The following ACOXL variants were observed in gnomAD, a reference collection of about 807,000 sequenced individuals.
ACOXL encodes the protein acyl-CoA oxidase like, also known as acyl-coenzyme A oxidase-like protein.
Under a neutral mutation model 71.9 loss-of-function variants are expected in ACOXL, and 70 were observed. The ratio of observed to expected loss-of-function variants is 0.97; its 90% confidence interval spans 0.80 to 1.19. The LOEUF (loss-of-function observed/expected upper bound fraction) is 1.19. Among genes scored for constraint, ACOXL ranks in the 50% most tolerant of loss-of-function variants. The pLI is 0.00. For missense variants in ACOXL, 703 were observed against 736.3 expected (o/e 0.95, Z 0.52); for synonymous variants, 253 against 281.6 (o/e 0.90, Z 1.02).
intron 10 of ACOXL, among the ~76,000 whole-genome samples, chr2:110,869,333 G>C (rs1475917634): frequency 6.6e-6 from 1 of 152,198 alleles, no homozygotes; most frequent in Non-Finnish European, 1.5e-5. Context: ...GCATGTATCA[G>C]AGCCACACAC....
chr2:110,817,909 A>G (rs138486872), intron 9 of ACOXL, among the ~76,000 whole-genome samples: 1,846 of 126,020 alleles, frequency 0.015, 21 homozygotes, highest in Middle Eastern at 0.02. Flanking sequence ...CCTTTCTTCT[A>G]TTTGCCGTCT....
At chr2:110,915,350 A>ATGTG (rs3059185) in intron 11 of ACOXL, among the ~76,000 whole-genome samples, 230 of 113,610 alleles carry the variant, frequency 2.0e-3, no homozygotes, top group African/African-American at 2.8e-3. Flanking sequence ...ATATATATAT[A>ATGTG]TGTGTGTGTG....
chr2:111,108,873 C>T (rs909263190), intron 17 of ACOXL, among the ~76,000 whole-genome samples: 1 of 152,176 alleles, frequency 6.6e-6, no homozygotes, highest in Non-Finnish European at 1.5e-5. Flanking sequence ...TCCAGAGCTT[C>T]GTAGGAATGG....
intron 7 of ACOXL, among the ~76,000 whole-genome samples, 188 bp from the exon 8 acceptor site, chr2:110,801,464 G>A (rs1685982709): frequency 6.6e-6 from 1 of 152,186 alleles, no homozygotes; most frequent in Admixed American, 6.5e-5. Flanking sequence ...GGCCAGGCTG[G>A]TGGAAGAAAC....
At chr2:110,885,866 C>G (rs1011718378) in intron 10 of ACOXL, among the ~76,000 whole-genome samples, 9 of 152,314 alleles carry the variant, frequency 5.9e-5, no homozygotes, top group African/African-American at 2.2e-4. Context: ...CTGTTACACC[C>G]TTGCAAATGT....
chr2:110,957,232 T>A (rs1000770127), intron 12 of ACOXL, among the ~76,000 whole-genome samples: 1 of 151,916 alleles, frequency 6.6e-6, no homozygotes, highest in East Asian at 1.9e-4. Flanking sequence ...GAGTCCAATG[T>A]AGAAAGGAGA....
chr2:110,802,549 A>C (rs1686130514), intron 8 of ACOXL, among the ~76,000 whole-genome samples: 1 of 152,192 alleles, frequency 6.6e-6, no homozygotes, highest in Admixed American at 6.5e-5. Flanking sequence ...AGTGGATGCC[A>C]AAAGCTTAAG....
intron 12 of ACOXL, among the ~76,000 whole-genome samples, chr2:110,981,706 C>G (rs2062714460): frequency 6.6e-6 from 1 of 152,136 alleles, no homozygotes; most frequent in Non-Finnish European, 1.5e-5. Flanking sequence ...TTCCCCAGTC[C>G]TCATAGTAAA....
intron 3 of ACOXL, among the ~76,000 whole-genome samples, chr2:110,790,292 C>T (rs1287805052): frequency 2.0e-5 from 3 of 152,164 alleles, no homozygotes; most frequent in Non-Finnish European, 4.4e-5. Flanking sequence ...ATTTCCCTTC[C>T]ACTTCAGGAT....
chr2:110,969,259 G>C (rs557984496), intron 12 of ACOXL, among the ~76,000 whole-genome samples: 1 of 152,116 alleles, frequency 6.6e-6, no homozygotes, highest in South Asian at 2.1e-4. Flanking sequence ...CCTACCTCAA[G>C]AAAATTGAAA....
In ACOXL at chr2:110,919,411, TG is replaced by T. The variant is rs966203064; in HGVS notation, c.905+10513del. On this transcript the variant is annotated intron_variant, in intron 11 of 17. Transcript: ENST00000439055. ...TCACACACCGGGGCCTGTTAGGGGG[TG>T]GGGGGGCAAGGGGAGGGATAGCATT... Among the ~76,000 whole-genome samples the T allele has an allele frequency of 4.2e-4, 22 of 52,568 alleles. 1 individual carries two copies. Among genetic ancestry groups the T allele is most frequent in the Non-Finnish European group, 3.9e-5 (1 of 25,756 alleles). 34.5% of individuals were successfully genotyped at this position (52,568 alleles called of 152,430 possible). A position where few individuals can be genotyped will look rare whatever the true frequency, so the allele number is the denominator to read the frequency against.
At chr2:110,749,162 A>G (rs575916861) in intron 1 of ACOXL, among the ~76,000 whole-genome samples, 43 of 152,330 alleles carry the variant, frequency 2.8e-4, no homozygotes, top group Admixed American at 2.0e-3. Flanking sequence ...CACTAGATCA[A>G]AATTGATTTT....
chr2:110,848,542 T>A (rs1401125653), intron 10 of ACOXL, among the ~76,000 whole-genome samples: 2 of 152,220 alleles, frequency 1.3e-5, no homozygotes, highest in Non-Finnish European at 2.9e-5. Flanking sequence ...CAGCATCTCA[T>A]GGCAGAGCGT....
intron 14 of ACOXL, among the ~76,000 whole-genome samples, chr2:111,008,595 A>G (rs1368772788): frequency 6.6e-6 from 1 of 152,180 alleles, no homozygotes; most frequent in Non-Finnish European, 1.5e-5. Flanking sequence ...CTTATTATAT[A>G]AATTTTAGTG....
intron 10 of ACOXL, among the ~76,000 whole-genome samples, chr2:110,843,109 C>G (rs777318355): frequency 9.2e-5 from 14 of 152,188 alleles, no homozygotes; most frequent in Admixed American, 2.6e-4. Context: ...CCAGAACTTG[C>G]AGGAGCCTCT....
At chr2:110,754,419 C>T (rs1218516839) in intron 1 of ACOXL, among the ~76,000 whole-genome samples, 1 of 152,134 alleles carries the variant, frequency 6.6e-6, no homozygotes, top group Non-Finnish European at 1.5e-5. Flanking sequence ...GTGTTACCAA[C>T]ACCATGATGA....
At chr2:110,772,478 A>T (rs1376852052) in intron 2 of ACOXL, among the ~76,000 whole-genome samples, 1 of 152,158 alleles carries the variant, frequency 6.6e-6, no homozygotes, top group East Asian at 1.9e-4. Context: ...TGGGTGGCTC[A>T]TAGGGAAACC....
chr2:110,919,513 A>C (rs2059988254), intron 11 of ACOXL, among the ~76,000 whole-genome samples: 1 of 152,062 alleles, frequency 6.6e-6, no homozygotes, highest in Non-Finnish European at 1.5e-5. Flanking sequence ...TTGTGTAACA[A>C]ACCTGCATAT....
At chr2:110,919,559 T>TA (rs767343094) in intron 11 of ACOXL, among the ~76,000 whole-genome samples, 7,831 of 149,280 alleles carry the variant, frequency 0.052, 461 homozygotes, top group African/African-American at 0.15. Context: ...ACTATAATAG[T>TA]AAAAAAATAA....
Sources: allele counts gnomAD v4.1 joint callset (sites outside exome capture counted in the v4.1 genomes callset), GRCh38; gene constraint gnomAD v4.1.1; transcripts MANE v1.5; gene names NCBI Gene and HGNC (gene_info 2026-07-23, HGNC 2026-07-21).